The following MASP1 variants were observed in gnomAD, a reference collection of about 807,000 sequenced individuals.
The protein encoded by MASP1 is MBL associated serine protease 1.
Under a neutral mutation model 77.1 loss-of-function variants are expected in MASP1, and 59 were observed. That is an observed-to-expected ratio of 0.77 (90% confidence interval 0.62 to 0.95). The LOEUF is 0.95. MASP1 is among the 40% of genes least tolerant of loss of function. The probability of loss-of-function intolerance (pLI) is 0.00; values close to 1 mark genes in which losing one functional copy is unlikely to be tolerated. For synonymous variants in MASP1, 362 were observed against 354.5 expected (o/e 1.02, Z -0.24); for missense variants, 885 against 912.9 (o/e 0.97, Z 0.39).
At chr3:187,265,486 C>T (rs1715942887) in intron 2 of MASP1, among the ~76,000 whole-genome samples, 1 of 152,140 alleles carries the variant, frequency 6.6e-6, no homozygotes, top group African/African-American at 2.4e-5. Context: ...GGAAGCATGC[C>T]CCAGCTGAGG....
At chr3:187,273,576 A>G (rs971283117) in intron 2 of MASP1, among the ~76,000 whole-genome samples, 9 of 152,050 alleles carry the variant, frequency 5.9e-5, no homozygotes, top group Admixed American at 4.6e-4. Context: ...CGAGCTCGGT[A>G]CTCCTGAGCT....
intron 10 of MASP1, among the ~76,000 whole-genome samples, chr3:187,240,218 C>G (rs1393337142): frequency 3.3e-5 from 5 of 151,592 alleles, no homozygotes; most frequent in African/African-American, 1.2e-4. Context: ...GACTAATATA[C>G]CAACCGTGTA....
At chr3:187,268,926 G>T (rs554609380) in intron 2 of MASP1, among the ~76,000 whole-genome samples, 41 of 152,190 alleles carry the variant, frequency 2.7e-4, no homozygotes, top group East Asian at 2.3e-3. Context: ...TTAGCTGGGC[G>T]TGGTGGTGTG....
At chr3:187,256,132 G>C (rs940437168) in intron 5 of MASP1, among the ~76,000 whole-genome samples, 7 of 152,084 alleles carry the variant, frequency 4.6e-5, no homozygotes, top group Non-Finnish European at 1.0e-4. Flanking sequence ...TGTGGTATTT[G>C]TTCCGTCTTT....
chr3:187,251,817 C>A (rs534856530), intron 6 of MASP1, 65 bp from the exon 7 acceptor site: 26 of 1,243,790 alleles, frequency 2.1e-5, no homozygotes, highest in Admixed American at 2.0e-4. Flanking sequence ...AAGGGCCAGT[C>A]CCTAGAAAGC....
chr3:187,219,793 G>A, exon 16 of MASP1: 1 of 496,250 alleles, frequency 2.0e-6, no homozygotes, highest in South Asian at 2.1e-5. Context: ...TCCATCTTAT[G>A]AAGAAACTGA....
At chr3:187,281,948 C>T (rs555995888) in intron 2 of MASP1, among the ~76,000 whole-genome samples, 9 of 152,180 alleles carry the variant, frequency 5.9e-5, no homozygotes, top group South Asian at 4.1e-4. Context: ...ATTGGCCAGG[C>T]GATTAGAAAA....
intron 6 of MASP1, 129 bp downstream of exon 6, chr3:187,253,039 C>A: frequency 8.1e-7 from 1 of 1,238,366 alleles, no homozygotes; most frequent in Middle Eastern, 2.8e-4. Flanking sequence ...CCTTGGTCCC[C>A]AGCTGCTCAA....
At chr3:187,246,953 G>A (rs1283588586) in intron 8 of MASP1, 2 of 1,113,164 alleles carry the variant, frequency 1.8e-6, no homozygotes, top group Non-Finnish European at 1.1e-6. Flanking sequence ...CATGTAGAAT[G>A]GATTAGAAAC....
In MASP1 at chr3:187,243,547, A is replaced by G; in HGVS notation, c.1165T>C (p.Tyr389His). 1 of 1,614,086 alleles carries G rather than the reference A, an allele frequency of 6.2e-7. No individual in the cohort carries two copies. The highest frequency in any genetic ancestry group is 8.5e-7 in the Non-Finnish European group (1 of 1,179,976). The change falls in exon 9 of 11, where the codon TAC (tyrosine) becomes CAC (histidine). Residue 389 changes from tyrosine to histidine, a missense_variant. Physicochemically the swap from Tyr to His is moderately conservative, Grantham distance 83. Transcript: ENST00000296280. ...TFSTRNNLTT[Y>H]KSEIKYSCQE... Reference sequence around the variant, plus strand: ...CAGGAGTATTTGATCTCAGACTTGTATGTGGTGAGGTTGTTCCTTGTAGAG... The same window carrying G: ...CAGGAGTATTTGATCTCAGACTTGTGTGTGGTGAGGTTGTTCCTTGTAGAG...
At chr3:187,252,297 C>G (rs1352393978) in intron 6 of MASP1, among the ~76,000 whole-genome samples, 1 of 152,168 alleles carries the variant, frequency 6.6e-6, no homozygotes, top group Non-Finnish European at 1.5e-5. Flanking sequence ...GAAATTTGCG[C>G]CCCTGTAATT....
At chr3:187,222,098 G>T (rs992394267) in intron 14 of MASP1, among the ~76,000 whole-genome samples, 3 of 152,158 alleles carry the variant, frequency 2.0e-5, no homozygotes, top group Admixed American at 6.5e-5. Flanking sequence ...GGGCAGGGTG[G>T]TCCTGAGGAC....
In MASP1 at chr3:187,262,579, G is replaced by T; in HGVS notation, c.379C>A (p.Arg127Ser). The T allele has an allele frequency of 6.2e-7, 1 of 1,614,080 alleles. No individual in the cohort carries two copies. Among genetic ancestry groups the T allele is most frequent in the Non-Finnish European group, 8.5e-7 (1 of 1,179,992 alleles). Residue 127 changes from arginine to serine, a missense_variant, in exon 3 of 11, where the codon CGT (arginine) becomes AGT (serine). Physicochemically the swap from Arg to Ser is moderately radical, Grantham distance 110. Coordinates refer to ENST00000296280, the MANE Select transcript of MASP1 (RefSeq NM_139125.4). ...TAGTGGGCATCAAAGCCTGTGAAAC[G>T]CTCCTCATTGGAGAAATCTGACCGG... Reference protein sequence around the residue: ...TFRSDFSNEERFTGFDAHYMA... With the variant: ...TFRSDFSNEESFTGFDAHYMA...
intron 5 of MASP1, among the ~76,000 whole-genome samples, chr3:187,253,573 C>T (rs534162182): frequency 1.6e-4 from 25 of 152,244 alleles, no homozygotes; most frequent in African/African-American, 5.3e-4. Context: ...TTTACAATAG[C>T]GAAGGTGTAG....
chr3:187,217,669 TG>T (rs1035730571), exon 16 of MASP1: 5 of 152,226 alleles, frequency 3.3e-5, no homozygotes, highest in African/African-American at 1.2e-4. Context: ...TCCAGCCCTC[TG>T]CTTCTATGGC....
rs748179561 is a variant in MASP1 at position 187,285,841 on chromosome 3, T to C, written c.221A>G (p.Glu74Gly). The change falls in exon 2 of 11, where the codon GAA (glutamate) becomes GGA (glycine). Residue 74 changes from glutamate to glycine, a missense_variant. Glu to Gly is a moderately conservative substitution (Grantham distance 98). Coordinates refer to ENST00000296280, the MANE Select transcript of MASP1 (RefSeq NM_139125.4). ...GAGTCTCACCTTCACATAGTCATAT[T>C]CACAAAGGTAGGAGGATTCCAAGTT... ...HFNLESSYLC[E>G]YDYVKVETED... 6 of 1,613,996 alleles carry C rather than the reference T, an allele frequency of 3.7e-6. No homozygotes were observed. The highest frequency in any genetic ancestry group is 5.1e-6 in the Non-Finnish European group (6 of 1,179,868).
intron 1 of MASP1, among the ~76,000 whole-genome samples, chr3:187,286,438 C>T (rs1303550417): frequency 6.6e-6 from 1 of 152,198 alleles, no homozygotes; most frequent in African/African-American, 2.4e-5. Context: ...TAAATGTTAT[C>T]ATACTGGGTG....
downstream of MASP1, chr3:187,230,027 C>T (rs1712675076): frequency 7.2e-6 from 7 of 976,344 alleles, no homozygotes; most frequent in Admixed American, 2.5e-5. Context: ...AATTGACCTT[C>T]CTGATAATAG....
chr3:187,263,914 T>C (rs1488030610), intron 2 of MASP1, among the ~76,000 whole-genome samples: 3 of 152,216 alleles, frequency 2.0e-5, no homozygotes, highest in Non-Finnish European at 4.4e-5. Flanking sequence ...GATTATCTTA[T>C]ACCTAATCCA....
Sources: allele counts gnomAD v4.1 joint callset (sites outside exome capture counted in the v4.1 genomes callset), GRCh38; gene constraint gnomAD v4.1.1; transcripts MANE v1.5; gene names NCBI Gene and HGNC (gene_info 2026-07-23, HGNC 2026-07-21).